The following SGCZ variants were observed in gnomAD, a reference collection of about 807,000 sequenced individuals.
The protein encoded by SGCZ is sarcoglycan zeta, also known as zeta-sarcoglycan.
A neutral mutation model predicts 41.3 loss-of-function variants in SGCZ; 40 were observed. That is an observed-to-expected ratio of 0.97 (90% CI 0.75 to 1.26). The LOEUF is 1.26. Among genes scored for constraint, SGCZ ranks in the 50% most tolerant of loss-of-function variants. SGCZ has a pLI of 0.00. For missense variants in SGCZ, 552 were observed against 369.8 expected (o/e 1.49, Z -4.04); for synonymous variants, 206 against 137.5 (o/e 1.50, Z -3.49).
At chr8:14,688,135 T>G (rs1808678258) in intron 1 of SGCZ, among the ~76,000 whole-genome samples, 1 of 152,108 alleles carries the variant, frequency 6.6e-6, no homozygotes, top group African/African-American at 2.4e-5. Context: ...TTTCTCCCAT[T>G]TTGTAGGTTG....
In SGCZ at chr8:14,408,964, T is replaced by C. The variant is rs1448433708; in HGVS notation, c.235-84760A>G. Among the ~76,000 whole-genome samples, 6 of 121,040 alleles carry C rather than the reference T, an allele frequency of 5.0e-5. No individual in the cohort carries two copies. In the East Asian group the frequency reaches 1.3e-3, roughly 25 times the overall value. The allele number at this position is 121,040 out of a possible 152,430, so 79.4% of individuals were successfully genotyped here. A position where few individuals can be genotyped will look rare whatever the true frequency, so the allele number is the denominator to read the frequency against. ...TTTAAATTAAGAGAGTGTGTGTGTG[T>C]GTGTGTGCATGTGTGCGTGTGTGTG... is the stretch of plus-strand genomic sequence containing the variant. On this transcript the variant is annotated intron_variant, in intron 2 of 7. Coordinates refer to ENST00000382080, the MANE Select transcript of SGCZ (RefSeq NM_139167.4).
intron 2 of SGCZ, among the ~76,000 whole-genome samples, chr8:14,459,433 AAAT>A (rs898151263): frequency 3.3e-5 from 5 of 152,042 alleles, no homozygotes; most frequent in African/African-American, 1.2e-4. Context: ...ATAAAATAAA[AAAT>A]AAAAAAAGAA....
chr8:14,356,533 T>G (rs957722528), intron 2 of SGCZ, among the ~76,000 whole-genome samples: 1 of 152,138 alleles, frequency 6.6e-6, no homozygotes, highest in Non-Finnish European at 1.5e-5. Context: ...TAGAACTTGT[T>G]TAACAAAATG....
chr8:15,129,978 A>T (rs1178612233), intron 1 of SGCZ, among the ~76,000 whole-genome samples: 1 of 152,168 alleles, frequency 6.6e-6, no homozygotes, highest in Non-Finnish European at 1.5e-5. Flanking sequence ...CAGTATTTTA[A>T]AAATGACATT....
chr8:14,338,425 A>T (rs1207522253), intron 2 of SGCZ, among the ~76,000 whole-genome samples: 2 of 152,158 alleles, frequency 1.3e-5, no homozygotes, highest in East Asian at 3.9e-4. Flanking sequence ...GTATAGACCC[A>T]GCTGTCCCAT....
chr8:14,144,875 A>G (rs1803475894), intron 5 of SGCZ, among the ~76,000 whole-genome samples: 1 of 152,118 alleles, frequency 6.6e-6, no homozygotes, highest in East Asian at 1.9e-4. Flanking sequence ...GGTGGTGGCT[A>G]CTGGGTGAGG....
chr8:14,273,256 C>T (rs1410161832), intron 3 of SGCZ, among the ~76,000 whole-genome samples: 1 of 152,026 alleles, frequency 6.6e-6, no homozygotes, highest in Non-Finnish European at 1.5e-5. Context: ...ATAGCTTAGT[C>T]CTAGGCTCAG....
At chr8:15,054,695 C>G (rs1207381145) in intron 1 of SGCZ, among the ~76,000 whole-genome samples, 1 of 152,084 alleles carries the variant, frequency 6.6e-6, no homozygotes, top group Non-Finnish European at 1.5e-5. Flanking sequence ...TGGCTCACAC[C>G]TGCAATCCCA....
intron 3 of SGCZ, among the ~76,000 whole-genome samples, chr8:14,317,052 A>T (rs1386204307): frequency 6.6e-6 from 1 of 151,954 alleles, no homozygotes; most frequent in Non-Finnish European, 1.5e-5. Context: ...TCCTCTTAAC[A>T]TCCCATATGC....
chr8:15,140,313 C>A (rs1360409853), intron 1 of SGCZ, among the ~76,000 whole-genome samples: 1 of 152,162 alleles, frequency 6.6e-6, no homozygotes, highest in Non-Finnish European at 1.5e-5. Context: ...GTATGAGCCA[C>A]CGTGCCCAGT....
rs190411807 is a variant in SGCZ, at chr8:15,156,000, G to C, written c.39+81585C>G. Among the ~76,000 whole-genome samples the C allele has an allele frequency of 4.5e-3, 633 of 141,738 alleles. 3 individuals carry two copies. Among genetic ancestry groups the C allele is most frequent in the African/African-American group, 0.015 (579 of 37,510 alleles). The allele number at this position is 141,738 out of a possible 152,430, so 93.0% of individuals were successfully genotyped here. Reference sequence around the variant, plus strand: ...TTGAACTTGGGAGGCAGAGGTTGCAGTGAGCCAAGATCGTGCCATTGCACT... The same window carrying C: ...TTGAACTTGGGAGGCAGAGGTTGCACTGAGCCAAGATCGTGCCATTGCACT... On this transcript the variant is annotated intron_variant, in intron 1 of 7. Coordinates refer to ENST00000382080, the MANE Select transcript of SGCZ (RefSeq NM_139167.4).
At chr8:14,307,456 T>G (rs1801386044) in intron 3 of SGCZ, among the ~76,000 whole-genome samples, 1 of 152,176 alleles carries the variant, frequency 6.6e-6, no homozygotes, top group Admixed American at 6.6e-5. Flanking sequence ...ATAACTACAG[T>G]ACATTCCAGT....
intron 2 of SGCZ, among the ~76,000 whole-genome samples, chr8:14,360,089 C>T (rs774632990): frequency 2.0e-5 from 3 of 152,024 alleles, no homozygotes; most frequent in African/African-American, 7.2e-5. Context: ...ACTCAAAAAA[C>T]TGGGTATAGA....
intron 5 of SGCZ, among the ~76,000 whole-genome samples, chr8:14,115,069 G>C (rs1286031352): frequency 6.6e-6 from 1 of 151,806 alleles, no homozygotes; most frequent in Non-Finnish European, 1.5e-5. Context: ...AATTACAGTG[G>C]ACGAGCAGAG....
chr8:14,964,341 C>T (rs182868724), intron 1 of SGCZ, among the ~76,000 whole-genome samples: 2 of 152,304 alleles, frequency 1.3e-5, no homozygotes, highest in East Asian at 3.9e-4. Context: ...GACTATTCCT[C>T]ATGTCTTATT....
At chr8:14,621,425 T>A (rs1043578672) in intron 1 of SGCZ, among the ~76,000 whole-genome samples, 5 of 150,976 alleles carry the variant, frequency 3.3e-5, no homozygotes, top group African/African-American at 1.2e-4. Flanking sequence ...ACCATAGAAC[T>A]TAAAGTATAA....
At chr8:14,405,475 G>A (rs552610840) in intron 2 of SGCZ, among the ~76,000 whole-genome samples, 3 of 151,878 alleles carry the variant, frequency 2.0e-5, no homozygotes, top group Non-Finnish European at 4.4e-5. Flanking sequence ...GCACATCATC[G>A]GTTATTTAAA....
intron 4 of SGCZ, among the ~76,000 whole-genome samples, chr8:14,205,291 C>T (rs2117080830): frequency 6.6e-6 from 1 of 152,170 alleles, no homozygotes; most frequent in East Asian, 1.9e-4. Flanking sequence ...GCTAACTAGT[C>T]ATTAGGCAAT....
chr8:15,214,740 C>T (rs970794163), intron 1 of SGCZ, among the ~76,000 whole-genome samples: 1 of 152,120 alleles, frequency 6.6e-6, no homozygotes, highest in Admixed American at 6.5e-5. Context: ...ATTCTGAACA[C>T]TTTGACTTAC....
Sources: gnomAD v4.1 joint callset for allele counts (sites outside exome capture counted in the v4.1 genomes callset) on GRCh38, gnomAD v4.1.1 for gene constraint, MANE v1.5 for transcripts, NCBI Gene and HGNC (gene_info 2026-07-23, HGNC 2026-07-21) for gene names.